Variants in FARP1 observed in about 807,000 individuals in gnomAD.
FARP1 encodes the protein FERM, ARH/RhoGEF and pleckstrin domain protein 1.
In FARP1, 52 loss-of-function variants were observed where a neutral mutation model predicts 128.8. The observed-to-expected ratio is 0.40, with a 90% CI of 0.32 to 0.51. The LOEUF is 0.51. Ranked by LOEUF, FARP1 falls within the 20% of genes least tolerant of loss-of-function variation. The pLI, the probability that FARP1 is intolerant of heterozygous loss-of-function variation, is 0.45. For synonymous variants in FARP1, 580 were observed against 551.8 expected (o/e 1.05, Z -0.72); for missense variants, 1,333 against 1,367.9 (o/e 0.97, Z 0.40).
chr13:98,426,388 G>T (rs1398814701), intron 17 of FARP1, among the ~76,000 whole-genome samples: 2 of 152,198 alleles, frequency 1.3e-5, no homozygotes, highest in East Asian at 3.8e-4. Context: ...TACTCAGGGG[G>T]CTGAGGGGAG....
chr13:98,349,289 G>A (rs1167767504), intron 3 of FARP1, among the ~76,000 whole-genome samples: 1 of 152,214 alleles, frequency 6.6e-6, no homozygotes, highest in Non-Finnish European at 1.5e-5. Flanking sequence ...CAGGTCTCAT[G>A]GCACATAGTA....
intron 1 of FARP1, among the ~76,000 whole-genome samples, chr13:98,149,515 T>C (rs1216343907): frequency 6.6e-6 from 1 of 152,118 alleles, no homozygotes; most frequent in East Asian, 1.9e-4. Context: ...TAAGAAAGCG[T>C]TGGCACCATT....
At chr13:98,187,806 T>C (rs569989189) in intron 1 of FARP1, among the ~76,000 whole-genome samples, 16 of 152,334 alleles carry the variant, frequency 1.1e-4, no homozygotes, top group Non-Finnish European at 2.2e-4. Flanking sequence ...TACAGTTAGT[T>C]ATCTTATTTT....
At chr13:98,386,226 G>C (rs1890093595) in intron 8 of FARP1, among the ~76,000 whole-genome samples, 1 of 122,198 alleles carries the variant, frequency 8.2e-6, no homozygotes, top group Non-Finnish European at 1.7e-5. Flanking sequence ...AGTTTGGCTT[G>C]AGCCAGCTTA....
intron 13 of FARP1, chr13:98,398,954 T>G (rs1890657509): frequency 6.6e-6 from 1 of 152,252 alleles, no homozygotes; most frequent in African/African-American, 2.4e-5. Flanking sequence ...TTTGTTTTGC[T>G]TTTTCCTACA....
intron 2 of FARP1, among the ~76,000 whole-genome samples, chr13:98,282,910 A>T (rs1287909169): frequency 2.0e-5 from 3 of 151,730 alleles, no homozygotes; most frequent in South Asian, 4.2e-4. Flanking sequence ...AAAAAAAAAT[A>T]AAAAAAAATA....
At chr13:98,228,110 G>C (rs2139391788) in intron 2 of FARP1, among the ~76,000 whole-genome samples, 1 of 152,338 alleles carries the variant, frequency 6.6e-6, no homozygotes, top group Non-Finnish European at 1.5e-5. Context: ...TGTAATCCCA[G>C]CACTTTGGGA....
At chr13:98,317,671 G>C (rs1886781782) in intron 2 of FARP1, among the ~76,000 whole-genome samples, 1 of 152,256 alleles carries the variant, frequency 6.6e-6, no homozygotes, top group Admixed American at 6.5e-5. Context: ...ACTTAGGTGG[G>C]GCTGTCATAA....
chr13:98,439,051 A>C (rs189221571), intron 20 of FARP1, 56 bp from the exon 21 acceptor site: 811 of 1,477,898 alleles, frequency 5.5e-4, no homozygotes, highest in Non-Finnish European at 7.1e-4. Flanking sequence ...GGAATGCTGG[A>C]GGGAAGCCTG....
At chr13:98,435,496 C>T in intron 18 of FARP1, 80 bp from the exon 19 acceptor site, 1 of 1,434,502 alleles carries the variant, frequency 7.0e-7, no homozygotes, top group South Asian at 1.4e-5. Flanking sequence ...GATTTCCCTG[C>T]AGCGTTGAGC....
intron 2 of FARP1, among the ~76,000 whole-genome samples, chr13:98,276,961 T>C (rs1304016540): frequency 6.6e-6 from 1 of 152,226 alleles, no homozygotes; most frequent in Admixed American, 6.5e-5. Flanking sequence ...AAAGATTGCT[T>C]GATATTTTGT....
chr13:98,390,938 A>T, intron 11 of FARP1, 58 bp downstream of exon 11: 1 of 1,154,610 alleles, frequency 8.7e-7, no homozygotes, highest in Non-Finnish European at 1.3e-6. Flanking sequence ...GCCAGGTAAC[A>T]GTTTGTTGCT....
chr13:98,431,966 T>G (rs79089579), intron 18 of FARP1: 12,113 of 152,270 alleles, frequency 0.08, 535 homozygotes, highest in African/African-American at 0.13. Flanking sequence ...CCACAGAACA[T>G]AGCTTGTAAG....
intron 2 of FARP1, among the ~76,000 whole-genome samples, chr13:98,215,807 T>C (rs1237103157): frequency 1.3e-5 from 2 of 152,152 alleles, no homozygotes; most frequent in African/African-American, 2.4e-5. Context: ...CTTTTTTTTT[T>C]TTGAGACGGA....
intron 2 of FARP1, among the ~76,000 whole-genome samples, chr13:98,316,556 C>T (rs1886729657): frequency 6.6e-6 from 1 of 152,178 alleles, no homozygotes; most frequent in Non-Finnish European, 1.5e-5. Flanking sequence ...CCCTGGAGAG[C>T]TCAGCCTCCA....
intron 1 of FARP1, among the ~76,000 whole-genome samples, chr13:98,155,011 C>T (rs1876398311): frequency 6.6e-6 from 1 of 152,106 alleles, no homozygotes; most frequent in Non-Finnish European, 1.5e-5. Context: ...CAGGAGTTCC[C>T]AGCCTCAGCA....
intron 1 of FARP1, among the ~76,000 whole-genome samples, chr13:98,146,234 ATT>A (rs58173313): frequency 1.3e-5 from 2 of 150,888 alleles, no homozygotes; most frequent in Non-Finnish European, 1.5e-5. Flanking sequence ...TACTTGCCTG[ATT>A]TTTTTTTTTG....
At chr13:98,236,725 C>T (rs1882441809) in intron 2 of FARP1, among the ~76,000 whole-genome samples, 1 of 152,174 alleles carries the variant, frequency 6.6e-6, no homozygotes, top group Admixed American at 6.5e-5. Context: ...CGTGGTGGCT[C>T]ACGCCTGTAA....
intron 2 of FARP1, among the ~76,000 whole-genome samples, chr13:98,320,806 C>T (rs566471640): frequency 8.5e-5 from 13 of 152,258 alleles, no homozygotes; most frequent in Middle Eastern, 3.4e-3. Context: ...AGCTGCCAGA[C>T]GAGATCCGGT....
Sources: allele counts gnomAD v4.1 joint callset (sites outside exome capture counted in the v4.1 genomes callset), GRCh38; gene constraint gnomAD v4.1.1; transcripts MANE v1.5; gene names NCBI Gene and HGNC (gene_info 2026-07-23, HGNC 2026-07-21).